GIT1: variants seen among roughly 807,000 people sequenced by gnomAD.
GIT1 encodes the protein GIT ArfGAP 1.
Under a neutral mutation model 91.7 loss-of-function variants are expected in GIT1, and 14 were observed. That is an observed-to-expected ratio of 0.15 (90% confidence interval 0.10 to 0.24). The LOEUF (loss-of-function observed/expected upper bound fraction) is 0.24, where lower values mean the gene tolerates loss of function less well. GIT1 is among the 10% of genes least tolerant of loss of function. The pLI is 1.00. For synonymous variants in GIT1, 414 were observed against 418.2 expected, an observed-to-expected ratio of 0.99 and a Z score of 0.12; for missense variants, 717 against 1,024.9, an observed-to-expected ratio of 0.70 and a Z score of 4.10.
At chr17:29,587,986 G>A (rs1378866863) in intron 1 of GIT1, among the ~76,000 whole-genome samples, 1 of 152,080 alleles carries the variant, frequency 6.6e-6, no homozygotes, top group Non-Finnish European at 1.5e-5. Flanking sequence ...TCAACCCCAG[G>A]GCCCTCTAAA....
At chr17:29,578,248 G>T in intron 9 of GIT1, 51 bp downstream of exon 9, 1 of 1,448,562 alleles carries the variant, frequency 6.9e-7, no homozygotes, top group Non-Finnish European at 9.7e-7. Context: ...AGAGACCCAT[G>T]CCTGGGCCGC....
Position 29,581,747 on chromosome 17 carries a change from T to G in GIT1, c.713A>C (p.Lys238Thr), listed in dbSNP as rs2033402664. 6.2e-7 allele frequency: 1 copy of G among 1,609,682 alleles called. No homozygotes were observed. The highest frequency in any genetic ancestry group is 1.7e-5 in the Admixed American group (1 of 60,010). Reference protein sequence around the residue: ...DRLAFYLCGRKPDHKNGHYII... With the variant: ...DRLAFYLCGRTPDHKNGHYII... The stretch of plus-strand genomic sequence containing the variant: ...GCCCCCCAAGCTCTGCTCACCCGGC[T>G]TGCGTCCACAGAGGTAGAAGGCCAG... Residue 238 changes from lysine to threonine, a missense_variant, in exon 6 of 20, where the codon AAG becomes ACG. By Grantham distance (78) the Lys-to-Thr change is moderately conservative (BLOSUM62 -1). This residue lies in a region of GIT1 where 271 missense variants were observed against 451.6 expected (regional missense o/e 0.60). Coordinates refer to ENST00000225394, the MANE Select transcript of GIT1 (RefSeq NM_014030.4). The surrounding 1 kb of genome is among the most constrained non-coding windows in gnomAD (Gnocchi z 4.8).
intron 7 of GIT1, among the ~76,000 whole-genome samples, chr17:29,580,883 C>T (rs1479800832): frequency 1.3e-5 from 2 of 151,916 alleles, no homozygotes; most frequent in Non-Finnish European, 1.5e-5. Flanking sequence ...TGTGTTCAAG[C>T]GATTCTCCTG....
At chr17:29,582,597 T>C (rs1355300901) in intron 4 of GIT1, 101 bp downstream of exon 4, 2 of 813,302 alleles carry the variant, frequency 2.5e-6, no homozygotes, top group Non-Finnish European at 4.2e-6. Flanking sequence ...CTGGCTGCCT[T>C]TGGGGCCCAG....
chr17:29,578,938 G>C, intron 7 of GIT1, 159 bp from the exon 8 acceptor site: 1 of 1,612,312 alleles, frequency 6.2e-7, no homozygotes, highest in Middle Eastern at 1.7e-4. Flanking sequence ...CTTCAGGCCT[G>C]CTGCCCCGGC....
chr17:29,576,934 C>T lies in GIT1; in HGVS notation c.1156G>A (p.Val386Met), dbSNP rs766828202. 7 of 1,591,846 alleles carry T rather than the reference C, an allele frequency of 4.4e-6. No homozygotes were observed. The highest frequency in any genetic ancestry group is 5.1e-6 in the Non-Finnish European group (6 of 1,172,702). ...TGGTCTGTGTCCTCGTCAGAGGCCACGCTGTCGTAGTCGTGTTGGTCGTCG... is the reference window on the plus strand; with the variant it reads ...TGGTCTGTGTCCTCGTCAGAGGCCATGCTGTCGTAGTCGTGTTGGTCGTCG... ...DLDDQHDYDS[V>M]ASDEDTDQEP... The change falls in exon 12 of 20, where the codon GTG (valine) becomes ATG (methionine). Residue 386 changes from valine (V) to methionine (M), a missense_variant. Val to Met is a conservative substitution (Grantham distance 21). This residue lies in a region of GIT1 where 312 missense variants were observed against 349.5 expected (regional missense o/e 0.89). Coordinates refer to ENST00000225394, the MANE Select transcript of GIT1 (RefSeq NM_014030.4).
chr17:29,588,892 C>A (rs571582488), intron 1 of GIT1, among the ~76,000 whole-genome samples: 1 of 152,300 alleles, frequency 6.6e-6, no homozygotes, highest in East Asian at 1.9e-4. Context: ...GCAGGCGTAC[C>A]GACCACGCGA....
chr17:29,580,991 C>G (rs1205558232), intron 7 of GIT1: 1 of 296,668 alleles, frequency 3.4e-6, no homozygotes, highest in Non-Finnish European at 6.6e-6. Context: ...GTTGGCCAGG[C>G]TAGTCTTGAA....
chr17:29,589,507 C>A lies in GIT1; in HGVS notation c.-129G>T, dbSNP rs1007933789. 1.3e-5 allele frequency: 3 copies of A among 225,646 alleles called. No homozygotes were observed. Among genetic ancestry groups the A allele is most frequent in the Non-Finnish European group, 7.2e-6 (1 of 138,398 alleles). The allele number at this position is 225,646 out of a possible 1,614,324, so 14.0% of individuals were successfully genotyped here. On this transcript the variant is annotated 5_prime_UTR_variant, in exon 1 of 20. Coordinates refer to ENST00000225394, the MANE Select transcript of GIT1 (RefSeq NM_014030.4). This position sits in a 1 kb window ranked among gnomAD's most constrained non-coding sequence, Gnocchi z 5.2. The stretch of plus-strand genomic sequence containing the variant: ...AGGCCCCGGCGAGGCTCCGCGCGCC[C>A]GGCCAACCGTCCGCCCCGGGGCTGG...
intron 4 of GIT1, among the ~76,000 whole-genome samples, chr17:29,582,351 T>G (rs1337140346): frequency 2.0e-5 from 3 of 152,262 alleles, no homozygotes; most frequent in Non-Finnish European, 4.4e-5. Flanking sequence ...CCACGTGTGC[T>G]GTGTGCCCTG....
chr17:29,581,494 G>T lies in GIT1; in HGVS notation c.719-114C>A. ...GCACCCAGAAGTGTCAGGGGAAAGT[G>T]GGGAGGGCAGGCCACCCCCAAGAAT... On this transcript the variant is annotated intron_variant, in intron 6 of 19. Coordinates refer to ENST00000225394, the MANE Select transcript of GIT1 (RefSeq NM_014030.4). This position sits in a 1 kb window ranked among gnomAD's most constrained non-coding sequence, Gnocchi z 4.8. 1 of 875,456 alleles carries T rather than the reference G, an allele frequency of 1.1e-6. No individual in the cohort carries two copies. 54.2% of individuals were successfully genotyped at this position (875,456 alleles called of 1,614,324 possible). A position where few individuals can be genotyped will look rare whatever the true frequency, so the allele number is the denominator to read the frequency against.
At chr17:29,583,177 T>A in intron 2 of GIT1, 140 bp from the exon 3 acceptor site, 2 of 657,180 alleles carry the variant, frequency 3.0e-6, no homozygotes, top group Non-Finnish European at 5.5e-6. Context: ...CCACCACACC[T>A]CCATCTAGTC....
chr17:29,584,646 G>A (rs1187337301), intron 1 of GIT1, among the ~76,000 whole-genome samples: 15 of 152,210 alleles, frequency 9.9e-5, no homozygotes, highest in Non-Finnish European at 1.5e-4. Context: ...TCTGCCCAGC[G>A]GCCCCCACCC....
Position 29,577,795 on chromosome 17 carries a change from G to A in GIT1, c.884-53C>T, listed in dbSNP as rs1259350211. On this transcript the variant is annotated intron_variant, in intron 9 of 19. Coordinates refer to ENST00000225394, the MANE Select transcript of GIT1 (RefSeq NM_014030.4). ...GCCACGGTGGCCAGGCCCCCAAGGTGGGGGTGGGGAAGCACTGAGCCCAGC... is the reference window on the plus strand; with the variant it reads ...GCCACGGTGGCCAGGCCCCCAAGGTAGGGGTGGGGAAGCACTGAGCCCAGC... The A allele has an allele frequency of 8.9e-6, 10 of 1,120,426 alleles. No homozygotes were observed. The African/African-American group carries it at 1.1e-4, about 12-fold the overall frequency. The allele number at this position is 1,120,426 out of a possible 1,614,324, so 69.4% of individuals were successfully genotyped here.
intron 1 of GIT1, among the ~76,000 whole-genome samples, chr17:29,585,348 C>T (rs979833079): frequency 2.0e-5 from 3 of 152,102 alleles, no homozygotes; most frequent in Non-Finnish European, 4.4e-5. Flanking sequence ...AGTGGGGAGC[C>T]GCCCAGGGCA....
rs145991218 is a variant in GIT1 at position 29,575,138 on chromosome 17, C to T, written c.2014G>A (p.Val672Met). The change falls in exon 19 of 20, where the codon GTG (valine) becomes ATG (methionine). Residue 672 changes from valine to methionine, a missense_variant. Coordinates refer to ENST00000225394, the MANE Select transcript of GIT1 (RefSeq NM_014030.4). The surrounding 1 kb of genome is among the most constrained non-coding windows in gnomAD (Gnocchi z 5.5). ...AAQEFKHDSF[V>M]PCSEKIHLAV... ...AAATGGATCTTCTCTGAGCAGGGCACGAAGCTGCGGGGAGAAGGGAGGCTA... is the reference window on the plus strand; with the variant it reads ...AAATGGATCTTCTCTGAGCAGGGCATGAAGCTGCGGGGAGAAGGGAGGCTA... 16 of 1,597,554 alleles carry T rather than the reference C, an allele frequency of 1.0e-5. No individual in the cohort carries two copies. Among genetic ancestry groups the T allele is most frequent in the African/African-American group, 4.0e-5 (3 of 74,414 alleles).
In GIT1 at chr17:29,575,042, G is replaced by A. The variant is rs141483467; in HGVS notation, c.2073+37C>T. On this transcript the variant is annotated intron_variant, in intron 19 of 19. Coordinates refer to ENST00000225394, the MANE Select transcript of GIT1 (RefSeq NM_014030.4). This position sits in a 1 kb window ranked among gnomAD's most constrained non-coding sequence, Gnocchi z 5.5. The stretch of plus-strand genomic sequence containing the variant: ...TTCTCCACGCCTGCCCCAGCTCGAG[G>A]CCCTCCCACTCCTGGTCCTCTCTTT... The A allele has an allele frequency of 1.5e-3, 2,232 of 1,528,550 alleles. 4 individuals are homozygous for A. The highest frequency in any genetic ancestry group is 1.5e-3 in the Non-Finnish European group (1,638 of 1,121,120). 94.7% of individuals were successfully genotyped at this position (1,528,550 alleles called of 1,614,324 possible).
chr17:29,576,359 G>A lies in GIT1; in HGVS notation c.1472C>T (p.Thr491Ile), dbSNP rs2033200172. The change falls in exon 14 of 20, where the codon ACA becomes ATA. Residue 491 changes from threonine (T) to isoleucine (I), a missense_variant. Transcript: ENST00000225394. ...PPLPSERAEHTPMAPGGSTHR... is the reference protein window; with the variant it reads ...PPLPSERAEHIPMAPGGSTHR... ...TGTGCTCCCGCCTGGCGCCATGGGT[G>A]TGTGTTCCGCCCGTTCACTGGGGAG... is the stretch of plus-strand genomic sequence containing the variant. 1.9e-6 allele frequency: 3 copies of A among 1,613,342 alleles called. No homozygotes were observed. The highest frequency in any genetic ancestry group is 3.3e-5 in the Admixed American group (2 of 60,004).
intron 1 of GIT1, among the ~76,000 whole-genome samples, chr17:29,585,435 G>A (rs979540872): frequency 1.1e-4 from 16 of 152,294 alleles, no homozygotes; most frequent in African/African-American, 2.9e-4. Context: ...ATATATCCAC[G>A]GCCAATGGCT....
Sources: allele counts gnomAD v4.1 joint callset (sites outside exome capture counted in the v4.1 genomes callset), GRCh38; gene constraint gnomAD v4.1.1; regional missense constraint gnomAD v4.1.1; non-coding constraint Gnocchi (gnomAD v3.1); transcripts MANE v1.5; gene names NCBI Gene and HGNC (gene_info 2026-07-23, HGNC 2026-07-21).